NBEAL1: variants seen among roughly 807,000 people sequenced by gnomAD.
NBEAL1 encodes the protein neurobeachin-like protein 1.
Under a neutral mutation model 351.3 loss-of-function variants are expected in NBEAL1, and 273 were observed. The observed-to-expected ratio is 0.78, with a 90% CI of 0.70 to 0.86. The LOEUF is 0.86. Ranked by LOEUF, NBEAL1 falls within the 40% of genes least tolerant of loss-of-function variation. The pLI is 0.00. For synonymous variants in NBEAL1, 1,050 were observed against 1,086.4 expected (o/e 0.97, Z 0.66); for missense variants, 2,961 against 3,201.3 (o/e 0.92, Z 1.81).
At chr2:203,171,804 T>G in intron 39 of NBEAL1, 124 bp from the exon 40 acceptor site, 1 of 476,850 alleles carries the variant, frequency 2.1e-6, no homozygotes. Context: ...AGTATATTGA[T>G]TTATCTCCCT....
At position 203,049,962 on chromosome 2, in the gene NBEAL1, A is replaced by G. The variant is rs1377299099; in HGVS notation, c.292A>G (p.Ile98Val). The G allele has an allele frequency of 2.6e-6, 4 of 1,551,752 alleles. No individual in the cohort carries two copies. Among genetic ancestry groups the G allele is most frequent in the East Asian group, 2.4e-5 (1 of 41,260 alleles). ...GTCAATTTTGCTTGTCAAGTTCTTC[A>G]TTATTCTTTGCAGGTATCTAGTAGA... is the stretch of plus-strand genomic sequence containing the variant. ...ALSILLVKFFIILCRNLSNVE... is the reference protein window; with the variant it reads ...ALSILLVKFFVILCRNLSNVE... The change falls in exon 4 of 56, where the codon ATT becomes GTT. Residue 98 changes from isoleucine to valine, a missense_variant. Physicochemically the swap from Ile to Val is conservative, Grantham distance 29 (BLOSUM62 3). Coordinates refer to ENST00000683969, the MANE Select transcript of NBEAL1 (RefSeq NM_001378026.1).
intron 2 of NBEAL1, among the ~76,000 whole-genome samples, chr2:203,024,553 A>AG (rs1465881368): frequency 6.7e-6 from 1 of 149,250 alleles, no homozygotes; most frequent in Non-Finnish European, 1.5e-5. Flanking sequence ...CTCTGTCTCA[A>AG]AAAAAAAAAA....
At chr2:203,206,710 T>G (rs1166190924) in intron 51 of NBEAL1, among the ~76,000 whole-genome samples, 1 of 152,048 alleles carries the variant, frequency 6.6e-6, no homozygotes, top group African/African-American at 2.4e-5. Flanking sequence ...CGGAGTCTCC[T>G]TCACTCAGTG....
chr2:203,116,195 A>G, intron 18 of NBEAL1, 125 bp downstream of exon 18: 1 of 697,014 alleles, frequency 1.4e-6, no homozygotes, highest in Non-Finnish European at 2.4e-6. Flanking sequence ...CATCAAAATA[A>G]TCATGAATTT....
Position 203,113,115 on chromosome 2 carries a change from A to G in NBEAL1, c.2303A>G (p.His768Arg), listed in dbSNP as rs1374556631. The G allele has an allele frequency of 5.0e-5, 78 of 1,552,926 alleles. No homozygotes were observed. Among genetic ancestry groups the G allele is most frequent in the Non-Finnish European group, 6.4e-5 (73 of 1,147,306 alleles). ...CCTTTCTCTTCTCCCATTACCCCTCATCGGACATCATTTGGTGGAATTCTG... is the reference window on the plus strand; with the variant it reads ...CCTTTCTCTTCTCCCATTACCCCTCGTCGGACATCATTTGGTGGAATTCTG... ...DPPFSSPITP[H>R]RTSFGGILSS... is the part of the protein sequence containing the mutation. Residue 768 changes from histidine to arginine, a missense_variant, in exon 17 of 56, where the codon CAT becomes CGT. Coordinates refer to ENST00000683969, the MANE Select transcript of NBEAL1 (RefSeq NM_001378026.1).
rs552642632 is a variant in NBEAL1 at position 203,017,036 on chromosome 2, C to T, written c.51+601C>T. Among the ~76,000 whole-genome samples, 6 of 152,286 alleles carry T rather than the reference C, an allele frequency of 3.9e-5. No individual in the cohort carries two copies. The East Asian group carries it at 9.6e-4, about 24-fold the overall frequency. ...AACACAGTACTACCTGACTCAAGTG[C>T]GTACTTTTATCCATTTTTACTCCTT... On this transcript the variant is annotated intron_variant, in intron 2 of 55. Transcript: ENST00000683969.
At chr2:203,149,209 T>C in intron 34 of NBEAL1, 61 bp downstream of exon 34, 2 of 1,273,206 alleles carry the variant, frequency 1.6e-6, no homozygotes, top group Non-Finnish European at 2.1e-6. Context: ...CTAGAAATTT[T>C]TGAGCAAATG....
chr2:203,222,496 G>T lies in NBEAL1; in HGVS notation c.*5142G>T, dbSNP rs930560167. 1.3e-5 allele frequency among the ~76,000 whole-genome samples: 2 copies of T among 152,018 alleles called. No individual in the cohort carries two copies. Among genetic ancestry groups the T allele is most frequent in the Admixed American group, 1.3e-4 (2 of 15,272 alleles). ...CTGAGGGACATTTTGTCTAAAATTT[G>T]CTTGGAATGGCTTTATTATCTTTGT... On this transcript the variant is annotated 3_prime_UTR_variant, in exon 56 of 56. Coordinates refer to ENST00000683969, the MANE Select transcript of NBEAL1 (RefSeq NM_001378026.1).
At chr2:203,050,176 A>G (rs1366777219) in intron 4 of NBEAL1, 4 of 387,156 alleles carry the variant, frequency 1.0e-5, no homozygotes, top group South Asian at 1.0e-4. Flanking sequence ...GTGTATACCT[A>G]TGTAACAAAC....
chr2:203,079,806 T>G (rs1046440489), intron 8 of NBEAL1, among the ~76,000 whole-genome samples: 1 of 152,230 alleles, frequency 6.6e-6, no homozygotes, highest in Non-Finnish European at 1.5e-5. Context: ...AATCCTTGTC[T>G]ACATTCAGGA....
At chr2:203,207,272 C>A (rs1384063545) in intron 51 of NBEAL1, among the ~76,000 whole-genome samples, 1 of 151,524 alleles carries the variant, frequency 6.6e-6, no homozygotes, top group African/African-American at 2.4e-5. Context: ...GCAGCCACCC[C>A]GTCCAGGAGG....
At chr2:203,165,996 G>A (rs930105998) in intron 36 of NBEAL1, among the ~76,000 whole-genome samples, 153 bp from the exon 37 acceptor site, 3 of 152,034 alleles carry the variant, frequency 2.0e-5, no homozygotes, top group Admixed American at 6.6e-5. Flanking sequence ...TGATTGAGCC[G>A]ACATTGTGCC....
chr2:203,197,247 T>C (rs1232748446), intron 47 of NBEAL1, 55 bp from the exon 48 acceptor site: 2 of 1,001,488 alleles, frequency 2.0e-6, no homozygotes, highest in Admixed American at 1.9e-5. Context: ...TTTTCAGTAA[T>C]TTGTACCTAA....
chr2:203,166,171 C>T lies in NBEAL1; in HGVS notation c.5737C>T (p.Gln1913Ter). 3 of 1,581,492 alleles carry T rather than the reference C, an allele frequency of 1.9e-6. No homozygotes were observed. The highest frequency in any genetic ancestry group is 2.6e-6 in the Non-Finnish European group (3 of 1,168,920). ...CAGTGATGAGAAAGAAGAACAGGAT[C>T]AAAAAGAAAAATTGGTATTGATGGA... ...VNVDEKEEQD[Q>*]KEKLVLMEDC... The change falls in exon 37 of 56, where the codon CAA becomes TAA. Residue 1913 changes from glutamine (Q) to a stop codon, truncating the protein, a stop_gained. Coordinates refer to ENST00000683969, the MANE Select transcript of NBEAL1 (RefSeq NM_001378026.1). LOFTEE classifies it high-confidence loss of function.
Position 203,135,994 on chromosome 2 carries a change from C to T in NBEAL1, c.4131C>T (p.Ser1377=). The change falls in exon 28 of 56, where the codon AGC becomes AGT. Residue 1377 remains serine, a synonymous_variant. Transcript: ENST00000683969. The part of the protein sequence containing the change: ...DSNTPLFPED[S]SVGELSFKSE... The stretch of plus-strand genomic sequence containing the variant: ...ACACACCATTATTTCCAGAAGATAG[C>T]TCTGTGGGAGAATTGTCTTTCAAAT... 1.2e-6 allele frequency: 2 copies of T among 1,613,712 alleles called. No homozygotes were observed. The highest frequency in any genetic ancestry group is 1.7e-6 in the Non-Finnish European group (2 of 1,179,784).
chr2:203,127,559 T>C (rs2062967467), intron 23 of NBEAL1, among the ~76,000 whole-genome samples: 1 of 151,816 alleles, frequency 6.6e-6, no homozygotes, highest in Non-Finnish European at 1.5e-5. Flanking sequence ...CCATCTCTAC[T>C]AAAAATACAA....
chr2:203,149,496 C>A (rs1414439640), intron 34 of NBEAL1, among the ~76,000 whole-genome samples: 1 of 152,120 alleles, frequency 6.6e-6, no homozygotes, highest in Non-Finnish European at 1.5e-5. Context: ...ATTCACTTAA[C>A]TGATCCTCAG....
At position 203,209,142 on chromosome 2, in the gene NBEAL1, TG is replaced by T; in HGVS notation, c.7624-18del. 1 of 1,573,234 alleles carries T rather than the reference TG, an allele frequency of 6.4e-7. No individual in the cohort carries two copies. Among genetic ancestry groups the T allele is most frequent in the East Asian group, 2.3e-5 (1 of 44,044 alleles). On this transcript the variant is annotated intron_variant, in intron 52 of 55. Transcript: ENST00000683969. The stretch of plus-strand genomic sequence containing the variant: ...CTTTTCCTTTGTCTTTTTCATTTTC[TG>T]ATATATCCTGTGTGTAGGATGGAAC...
intron 46 of NBEAL1, among the ~76,000 whole-genome samples, chr2:203,191,900 T>C (rs1227939509): frequency 6.6e-6 from 1 of 152,210 alleles, no homozygotes; most frequent in Non-Finnish European, 1.5e-5. Flanking sequence ...CCTTAGGCTA[T>C]ATATTTATCC....
Sources: gnomAD v4.1 joint callset for allele counts (sites outside exome capture counted in the v4.1 genomes callset) on GRCh38, gnomAD v4.1.1 for gene constraint, MANE v1.5 for transcripts, NCBI Gene and HGNC (gene_info 2026-07-23, HGNC 2026-07-21) for gene names.